Variants in PCDHA7 observed in about 807,000 individuals in gnomAD.
The protein encoded by PCDHA7 is protocadherin alpha 7.
In PCDHA7, 37 loss-of-function variants were observed where a neutral mutation model predicts 57.2. The observed-to-expected ratio is 0.65, with a 90% CI of 0.50 to 0.85. PCDHA7 has a LOEUF of 0.85. Ranked by LOEUF, PCDHA7 falls within the 40% of genes least tolerant of loss-of-function variation. The pLI, the probability that PCDHA7 is intolerant of heterozygous loss-of-function variation, is 0.00. For missense variants in PCDHA7, 1,188 were observed against 1,241.8 expected, an observed-to-expected ratio of 0.96 and a Z score of 0.65; for synonymous variants, 553 against 558.8, an observed-to-expected ratio of 0.99 and a Z score of 0.15.
intron 1 of PCDHA7, among the ~76,000 whole-genome samples, chr5:140,904,056 G>A (rs1474308111): frequency 6.6e-6 from 1 of 151,944 alleles, no homozygotes; most frequent in Non-Finnish European, 1.5e-5. Context: ...TATTTCAATG[G>A]GTTTTTGGGG....
At position 140,835,424 on chromosome 5, in the gene PCDHA7, T is replaced by C. The variant is rs2150235453; in HGVS notation, c.1041T>C (p.Ala347=). 2.5e-6 allele frequency: 4 copies of C among 1,613,962 alleles called. No individual in the cohort carries two copies. The highest frequency in any genetic ancestry group is 2.2e-5 in the South Asian group (2 of 91,074). ...AAGTTGTGGATGTAAATGACAATGC[T>C]CCACAGTTGACTCTCACTTCCCTGT... The part of the protein sequence containing the change: ...LVEVVDVNDN[A]PQLTLTSLSL... The change falls in exon 1 of 4, where the codon GCT becomes GCC. Residue 347 remains alanine (A), a synonymous_variant. Coordinates refer to ENST00000525929, the MANE Select transcript of PCDHA7 (RefSeq NM_018910.3).
chr5:140,944,206 T>C (rs1291391135), intron 1 of PCDHA7, among the ~76,000 whole-genome samples: 1 of 152,156 alleles, frequency 6.6e-6, no homozygotes, highest in Non-Finnish European at 1.5e-5. Context: ...GTTTTGTTTT[T>C]AAAGAGGGTT....
chr5:140,926,629 G>C, intron 1 of PCDHA7: 1 of 406,364 alleles, frequency 2.5e-6, no homozygotes, highest in Non-Finnish European at 4.2e-6. Flanking sequence ...GCGGCGCTGC[G>C]CTCCTCAACA....
chr5:140,926,539 G>A (rs910445315), intron 1 of PCDHA7: 2 of 216,944 alleles, frequency 9.2e-6, no homozygotes, highest in Non-Finnish European at 1.8e-5. Flanking sequence ...AGCCAGCGTG[G>A]TGGTCGAGAC....
intron 1 of PCDHA7, among the ~76,000 whole-genome samples, chr5:140,906,212 A>C (rs2072460025): frequency 6.6e-6 from 1 of 152,194 alleles, no homozygotes; most frequent in South Asian, 2.1e-4. Context: ...CTCAGTATTA[A>C]CCATCACAAG....
rs1305370888 is a variant in PCDHA7, at chr5:140,852,030, T to C, written c.2355+15292T>C. 9.7e-5 allele frequency: 91 copies of C among 938,230 alleles called. 9 individuals are homozygous for C. The highest frequency in any genetic ancestry group is 9.0e-5 in the Non-Finnish European group (70 of 773,886). The allele number at this position is 938,230 out of a possible 1,614,324, so 58.1% of individuals were successfully genotyped here. A position where few individuals can be genotyped will look rare whatever the true frequency, so the allele number is the denominator to read the frequency against. On this transcript the variant is annotated intron_variant, in intron 1 of 3. Coordinates refer to ENST00000525929, the MANE Select transcript of PCDHA7 (RefSeq NM_018910.3). ...TTTATAGTTTTAAAAACTTCGCTTATTGAGTTTTTGTTATGTGGTTTATAT... is the reference window on the plus strand; with the variant it reads ...TTTATAGTTTTAAAAACTTCGCTTACTGAGTTTTTGTTATGTGGTTTATAT...
chr5:140,867,150 G>C lies in PCDHA7; in HGVS notation c.2355+30412G>C, dbSNP rs1027648085. On this transcript the variant is annotated intron_variant, in intron 1 of 3. Coordinates refer to ENST00000525929, the MANE Select transcript of PCDHA7 (RefSeq NM_018910.3). ...AATATGTGATATTATCATTTTTCCA[G>C]AGTAAACCTTCTAAGGTTCATTTCC... The C allele has an allele frequency of 2.0e-5, 3 of 152,068 alleles. No individual in the cohort carries two copies. The East Asian group carries it at 5.8e-4, about 29-fold the overall frequency. The allele number at this position is 152,068 out of a possible 1,614,324, so 9.4% of individuals were successfully genotyped here. A position where few individuals can be genotyped will look rare whatever the true frequency, so the allele number is the denominator to read the frequency against.
rs535622037 is a variant in PCDHA7 at position 140,926,265 on chromosome 5, G to T, written c.2356-52684G>T. The T allele has an allele frequency of 8.1e-3, 1,228 of 152,360 alleles. 6 individuals carry two copies. The highest frequency in any genetic ancestry group is 0.019 in the African/African-American group (792 of 41,548). 9.4% of individuals were successfully genotyped at this position (152,360 alleles called of 1,614,324 possible). ...CACGTTCACCGTCCCGCCTCTCGCC[G>T]CCTCCGCTCGGCAGCTCCACGCTGA... is the stretch of plus-strand genomic sequence containing the variant. On this transcript the variant is annotated intron_variant, in intron 1 of 3. Transcript: ENST00000525929.
At chr5:140,975,896 T>C (rs1267301126) in intron 1 of PCDHA7, among the ~76,000 whole-genome samples, 1 of 152,202 alleles carries the variant, frequency 6.6e-6, no homozygotes, top group Non-Finnish European at 1.5e-5. Context: ...CATATGGAGT[T>C]TTGTGACCAT....
chr5:140,836,492 C>T lies in PCDHA7; in HGVS notation c.2109C>T (p.Ala703=), dbSNP rs2150262015. The change falls in exon 1 of 4, where the codon GCC becomes GCT. Residue 703 remains alanine, a synonymous_variant. Coordinates refer to ENST00000525929, the MANE Select transcript of PCDHA7 (RefSeq NM_018910.3). ...LVDVNVYLII[A]ICAVSSLLVL... ...ATGTCAACGTGTACCTGATCATCGC[C>T]ATCTGCGCGGTGTCCAGTCTGTTGG... 13 of 1,613,758 alleles carry T rather than the reference C, an allele frequency of 8.1e-6. No individual in the cohort carries two copies. The South Asian group carries it at 8.8e-5, about 11-fold the overall frequency.
intron 1 of PCDHA7, among the ~76,000 whole-genome samples, chr5:140,909,076 G>A (rs556959550): frequency 3.3e-5 from 5 of 152,294 alleles, no homozygotes; most frequent in African/African-American, 7.2e-5. Context: ...TAAGCCCAGT[G>A]TGTTTGCTAC....
intron 1 of PCDHA7, chr5:140,871,015 G>A (rs1554164977): frequency 1.9e-6 from 3 of 1,613,126 alleles, no homozygotes; most frequent in East Asian, 2.2e-5. Flanking sequence ...TGCCCTGGAC[G>A]AGGCAGACTC....
At chr5:140,871,496 T>C in intron 1 of PCDHA7, 1 of 1,587,392 alleles carries the variant, frequency 6.3e-7, no homozygotes, top group Non-Finnish European at 8.6e-7. Flanking sequence ...CCCGGACAGG[T>C]GAGTTTTCTA....
At chr5:140,985,151 A>G (rs1335001570) in intron 3 of PCDHA7, among the ~76,000 whole-genome samples, 3 of 152,092 alleles carry the variant, frequency 2.0e-5, no homozygotes, top group Admixed American at 2.0e-4. Flanking sequence ...GTTAGCCAGG[A>G]TTGTCTCAAT....
intron 1 of PCDHA7, among the ~76,000 whole-genome samples, chr5:140,846,117 T>C (rs1780205131): frequency 6.7e-6 from 1 of 149,668 alleles, no homozygotes; most frequent in African/African-American, 2.4e-5. Flanking sequence ...CTATCTTACT[T>C]TGATAGTTGT....
At chr5:140,971,510 A>G (rs1166115283) in intron 1 of PCDHA7, among the ~76,000 whole-genome samples, 3 of 152,152 alleles carry the variant, frequency 2.0e-5, no homozygotes, top group Non-Finnish European at 2.9e-5. Flanking sequence ...TAGGAGCAAA[A>G]GCCACTCAGT....
intron 1 of PCDHA7, chr5:140,929,377 CTGT>C (rs782747382): frequency 6.6e-7 from 1 of 1,514,350 alleles, no homozygotes; most frequent in Non-Finnish European, 8.8e-7. Flanking sequence ...TGGCTGCTAG[CTGT>C]GTTTTGAAAT....
intron 1 of PCDHA7, among the ~76,000 whole-genome samples, chr5:140,977,949 G>A (rs919613337): frequency 2.6e-5 from 4 of 152,036 alleles, no homozygotes; most frequent in Admixed American, 6.6e-5. Context: ...TTCAGTGACA[G>A]GGCCACCTCA....
At position 140,871,409 on chromosome 5, in the gene PCDHA7, T is replaced by C. The variant is rs2053060094; in HGVS notation, c.2355+34671T>C. The C allele has an allele frequency of 1.2e-6, 2 of 1,613,974 alleles. No homozygotes were observed. Among genetic ancestry groups the C allele is most frequent in the African/African-American group, 1.3e-5 (1 of 74,954 alleles). On this transcript the variant is annotated intron_variant, in intron 1 of 3. Coordinates refer to ENST00000525929, the MANE Select transcript of PCDHA7 (RefSeq NM_018910.3). ...GAGGGCCCACCTAAGACGGACCTCATGGCCTTCAGCCCCAGTCTTCCTCTA... is the reference window on the plus strand; with the variant it reads ...GAGGGCCCACCTAAGACGGACCTCACGGCCTTCAGCCCCAGTCTTCCTCTA...
Sources: allele counts gnomAD v4.1 joint callset (sites outside exome capture counted in the v4.1 genomes callset), GRCh38; gene constraint gnomAD v4.1.1; transcripts MANE v1.5; gene names NCBI Gene and HGNC (gene_info 2026-07-23, HGNC 2026-07-21).